The following GRIN2A variants were observed in gnomAD, a reference collection of about 807,000 sequenced individuals.
GRIN2A encodes the protein glutamate receptor ionotropic, NMDA 2A.
Under a neutral mutation model 113.4 loss-of-function variants are expected in GRIN2A, and 22 were observed. That is an observed-to-expected ratio of 0.19 (90% CI 0.14 to 0.28). The LOEUF (loss-of-function observed/expected upper bound fraction) is 0.28, where lower values mean the gene tolerates loss of function less well. Among genes scored for constraint, GRIN2A ranks in the 10% least tolerant of loss-of-function variants. The pLI is 1.00. For missense variants in GRIN2A, 1,502 were observed against 1,887.0 expected (o/e 0.80, Z 3.78); for synonymous variants, 827 against 738.4 (o/e 1.12, Z -1.94).
At chr16:10,153,899 T>C (rs1360972008) in intron 2 of GRIN2A, among the ~76,000 whole-genome samples, 1 of 152,192 alleles carries the variant, frequency 6.6e-6, no homozygotes, top group Non-Finnish European at 1.5e-5. Flanking sequence ...TGGAGGGGCA[T>C]CGGGGTCTTC....
In GRIN2A at chr16:9,763,435, G is replaced by C. The variant is rs762981158; in HGVS notation, c.4109C>G (p.Ser1370Cys). The change falls in exon 13 of 13, where the codon TCC (serine) becomes TGC (cysteine). Residue 1370 changes from serine to cysteine, a missense_variant. Ser to Cys is a moderately radical substitution (Grantham distance 112, BLOSUM62 -1). Coordinates refer to ENST00000330684, the MANE Select transcript of GRIN2A (RefSeq NM_001134407.3). ...AACCAAGCGTTGGTCATCCCTGTGG[G>C]AGTGGAGGAAAGGGTTATCGGAGGT... ...DHTSDNPFLHSHRDDQRLVIG... is the reference protein window; with the variant it reads ...DHTSDNPFLHCHRDDQRLVIG... The C allele has an allele frequency of 1.2e-6, 2 of 1,614,060 alleles. No homozygotes were observed. Among genetic ancestry groups the C allele is most frequent in the Non-Finnish European group, 8.5e-7 (1 of 1,179,930 alleles).
At chr16:10,054,595 G>A (rs1348898076) in intron 2 of GRIN2A, among the ~76,000 whole-genome samples, 10 of 152,190 alleles carry the variant, frequency 6.6e-5, no homozygotes, top group East Asian at 1.9e-4. Context: ...TCTGTGTTTC[G>A]TTGATTTAAT....
At chr16:10,029,340 A>G (rs1277223153) in intron 2 of GRIN2A, among the ~76,000 whole-genome samples, 1 of 152,106 alleles carries the variant, frequency 6.6e-6, no homozygotes, top group Non-Finnish European at 1.5e-5. Flanking sequence ...AATTACAGGC[A>G]TGCACCACCC....
chr16:9,949,897 G>T (rs1414267341), intron 2 of GRIN2A, among the ~76,000 whole-genome samples: 3 of 152,282 alleles, frequency 2.0e-5, no homozygotes, highest in African/African-American at 7.2e-5. Flanking sequence ...GTTAGAGAGG[G>T]CAGGGTATAA....
At chr16:10,038,557 T>C (rs1008350474) in intron 2 of GRIN2A, among the ~76,000 whole-genome samples, 2 of 151,774 alleles carry the variant, frequency 1.3e-5, no homozygotes, top group African/African-American at 4.8e-5. Flanking sequence ...AACCTAGATA[T>C]TGCCGGCCAG....
chr16:9,887,838 C>G (rs866462268), intron 4 of GRIN2A, among the ~76,000 whole-genome samples: 88 of 152,244 alleles, frequency 5.8e-4, no homozygotes, highest in African/African-American at 2.1e-3. Context: ...GCGGGTGGAT[C>G]ACTTGAGGTC....
At chr16:9,811,783 C>A (rs1168977006) in intron 10 of GRIN2A, among the ~76,000 whole-genome samples, 2 of 152,054 alleles carry the variant, frequency 1.3e-5, no homozygotes, top group African/African-American at 4.8e-5. Context: ...CAAAAACAAA[C>A]AAGAGGTGAT....
At chr16:9,967,171 T>C (rs1359563527) in intron 2 of GRIN2A, among the ~76,000 whole-genome samples, 2 of 152,154 alleles carry the variant, frequency 1.3e-5, no homozygotes, top group African/African-American at 2.4e-5. Context: ...ATGCTTACAA[T>C]TGCAAAGATA....
intron 2 of GRIN2A, among the ~76,000 whole-genome samples, chr16:10,017,573 C>A (rs2046634314): frequency 6.6e-6 from 1 of 152,022 alleles, no homozygotes; most frequent in African/African-American, 2.4e-5. Context: ...GTAACAGTTC[C>A]CAGCTATTGT....
intron 7 of GRIN2A, among the ~76,000 whole-genome samples, chr16:9,836,703 C>G (rs912366532): frequency 1.3e-5 from 2 of 152,208 alleles, no homozygotes; most frequent in East Asian, 3.9e-4. Flanking sequence ...TAAGATACCA[C>G]ACACGTGAAT....
At chr16:10,072,359 G>A (rs1420015906) in intron 2 of GRIN2A, among the ~76,000 whole-genome samples, 3 of 152,196 alleles carry the variant, frequency 2.0e-5, no homozygotes, top group Non-Finnish European at 2.9e-5. Flanking sequence ...ACCTGTGTGG[G>A]TTAAAGGACT....
chr16:9,951,252 A>G (rs1397000184), intron 2 of GRIN2A, among the ~76,000 whole-genome samples: 1 of 152,212 alleles, frequency 6.6e-6, no homozygotes, highest in Non-Finnish European at 1.5e-5. Context: ...TTCCTGGAGC[A>G]TAATATTCTG....
At chr16:10,036,650 G>T (rs2047037976) in intron 2 of GRIN2A, among the ~76,000 whole-genome samples, 1 of 150,794 alleles carries the variant, frequency 6.6e-6, no homozygotes, top group African/African-American at 2.4e-5. Flanking sequence ...GTTTCACTGT[G>T]TTAGCCAGGA....
chr16:9,893,420 G>C (rs1222399569), intron 3 of GRIN2A, among the ~76,000 whole-genome samples: 2 of 151,998 alleles, frequency 1.3e-5, no homozygotes, highest in Non-Finnish European at 2.9e-5. Context: ...GGTTTATTTG[G>C]GGTATCTCTT....
chr16:9,803,544 A>G (rs182643466), intron 10 of GRIN2A, among the ~76,000 whole-genome samples: 1 of 152,394 alleles, frequency 6.6e-6, no homozygotes, highest in African/African-American at 2.4e-5. Context: ...CTCGAAACAC[A>G]TAAATGCATT....
chr16:9,837,617 CT>C (rs1163013046), intron 7 of GRIN2A, among the ~76,000 whole-genome samples: 2 of 152,098 alleles, frequency 1.3e-5, no homozygotes, highest in African/African-American at 4.8e-5. Flanking sequence ...TCCTCTAACC[CT>C]TTCTTAACCT....
At chr16:10,104,850 C>T (rs2048464901) in intron 2 of GRIN2A, among the ~76,000 whole-genome samples, 2 of 152,122 alleles carry the variant, frequency 1.3e-5, no homozygotes, top group South Asian at 4.2e-4. Context: ...TTCCATGTCC[C>T]TTGTGAGCGC....
intron 10 of GRIN2A, among the ~76,000 whole-genome samples, chr16:9,805,197 C>T (rs1008675513): frequency 4.6e-5 from 7 of 152,210 alleles, no homozygotes; most frequent in African/African-American, 1.7e-4. Context: ...GGGATGGGAA[C>T]TTGTATTATC....
rs1432455661 is a variant in GRIN2A at position 10,038,814 on chromosome 16, C to CTCCA, written c.415-100267_415-100264dup. ...AGTGAGCCGAGATCGCGCCACTGCA[C>CTCCA]TCCAGCCTGGGCGACAGAATGAGAC... On this transcript the variant is annotated intron_variant, in intron 2 of 12. Transcript: ENST00000330684. Among the ~76,000 whole-genome samples the CTCCA allele has an allele frequency of 9.9e-5, 15 of 151,490 alleles. No individual in the cohort carries two copies. The South Asian group carries it at 2.7e-3, about 28-fold the overall frequency.
Sources: gnomAD v4.1 joint callset for allele counts (sites outside exome capture counted in the v4.1 genomes callset) on GRCh38, gnomAD v4.1.1 for gene constraint, MANE v1.5 for transcripts, NCBI Gene and HGNC (gene_info 2026-07-23, HGNC 2026-07-21) for gene names.